Variants in GALM observed in about 807,000 individuals in gnomAD.
The protein encoded by GALM is galactose mutarotase.
Under a neutral mutation model 37.4 loss-of-function variants are expected in GALM, and 43 were observed. That is an observed-to-expected ratio of 1.15 (90% CI 0.90 to 1.48). The LOEUF (loss-of-function observed/expected upper bound fraction) is 1.48, where lower values mean the gene tolerates loss of function less well. GALM is among the 40% of genes most tolerant of loss of function. The probability of loss-of-function intolerance (pLI) is 0.00; values close to 1 mark genes in which losing one functional copy is unlikely to be tolerated. For synonymous variants in GALM, 199 were observed against 170.6 expected, an observed-to-expected ratio of 1.17 and a Z score of -1.30; for missense variants, 456 against 419.1, an observed-to-expected ratio of 1.09 and a Z score of -0.77.
intron 2 of GALM, among the ~76,000 whole-genome samples, chr2:38,679,344 G>A (rs34391548): frequency 0.074 from 11,246 of 151,280 alleles, 593 homozygotes; most frequent in South Asian, 0.22. Flanking sequence ...CAGGTAGTAT[G>A]AAACTCCCCA....
intron 4 of GALM, among the ~76,000 whole-genome samples, chr2:38,690,166 G>T (rs1177275356): frequency 1.3e-5 from 2 of 152,090 alleles, no homozygotes; most frequent in Non-Finnish European, 2.9e-5. Flanking sequence ...TTAAAAAATG[G>T]TGAGTAAGAT....
At chr2:38,710,297 T>C (rs116030165) in intron 4 of GALM, among the ~76,000 whole-genome samples, 2,743 of 152,272 alleles carry the variant, frequency 0.018, 85 homozygotes, top group African/African-American at 0.062. Flanking sequence ...GCCTATAAAA[T>C]AGTTACTCCC....
intron 2 of GALM, among the ~76,000 whole-genome samples, chr2:38,677,841 A>G (rs1025693620): frequency 6.6e-6 from 1 of 151,840 alleles, no homozygotes; most frequent in Non-Finnish European, 1.5e-5. Context: ...GCGAATGGCC[A>G]CAAGCACCAT....
At chr2:38,721,696 T>G (rs1666379267) in intron 4 of GALM, among the ~76,000 whole-genome samples, 1 of 152,020 alleles carries the variant, frequency 6.6e-6, no homozygotes, top group Admixed American at 6.6e-5. Flanking sequence ...TTTAATTTTT[T>G]GTAGAGACGG....
chr2:38,722,206 C>T (rs1047218403), intron 4 of GALM, among the ~76,000 whole-genome samples: 1 of 151,896 alleles, frequency 6.6e-6, no homozygotes. Flanking sequence ...CTAAGAAGTC[C>T]GTCATGAGAA....
chr2:38,713,293 G>T (rs1666207525), intron 4 of GALM, among the ~76,000 whole-genome samples: 1 of 152,208 alleles, frequency 6.6e-6, no homozygotes, highest in South Asian at 2.1e-4. Flanking sequence ...TGGTCAGGCA[G>T]AAGGGTTGTC....
intron 6 of GALM, 96 bp from the exon 7 acceptor site, chr2:38,733,392 G>A: frequency 1.0e-6 from 1 of 960,752 alleles, no homozygotes; most frequent in Non-Finnish European, 1.7e-6. Flanking sequence ...GCCATCCACA[G>A]AGCACTGGTC....
chr2:38,677,027 C>T (rs993962980), intron 2 of GALM, among the ~76,000 whole-genome samples: 3 of 152,222 alleles, frequency 2.0e-5, no homozygotes, highest in African/African-American at 7.2e-5. Context: ...TTCCTCCTCT[C>T]CACATGAAAA....
chr2:38,692,976 G>A (rs909364092), intron 4 of GALM, among the ~76,000 whole-genome samples: 1 of 152,178 alleles, frequency 6.6e-6, no homozygotes, highest in Non-Finnish European at 1.5e-5. Flanking sequence ...GATGGGCCTG[G>A]AGAGGTTGAT....
chr2:38,715,069 G>A (rs1016934451), intron 4 of GALM, among the ~76,000 whole-genome samples: 4 of 152,120 alleles, frequency 2.6e-5, no homozygotes, highest in South Asian at 2.1e-4. Context: ...ATTTACAATT[G>A]TCATAGCCTT....
At chr2:38,709,022 T>C (rs1378886743) in intron 4 of GALM, among the ~76,000 whole-genome samples, 1 of 152,030 alleles carries the variant, frequency 6.6e-6, no homozygotes, top group Non-Finnish European at 1.5e-5. Context: ...TGGGATGACC[T>C]GAAGTTGGGG....
At chr2:38,678,981 A>G (rs1307885584) in intron 2 of GALM, among the ~76,000 whole-genome samples, 3 of 151,060 alleles carry the variant, frequency 2.0e-5, no homozygotes, top group African/African-American at 4.9e-5. Flanking sequence ...AACATGTATA[A>G]CTTTATTTAT....
intron 4 of GALM, among the ~76,000 whole-genome samples, chr2:38,710,472 C>A (rs1666126419): frequency 6.6e-6 from 1 of 152,160 alleles, no homozygotes; most frequent in Non-Finnish European, 1.5e-5. Flanking sequence ...TACTTCTGGG[C>A]CTTGGATCCT....
intron 3 of GALM, chr2:38,682,175 T>C: frequency 2.7e-6 from 1 of 373,326 alleles, no homozygotes; most frequent in South Asian, 1.9e-5. Context: ...CACATAAGAG[T>C]GGTGTAGAGC....
intron 1 of GALM, among the ~76,000 whole-genome samples, chr2:38,675,640 CT>C (rs1426167508): frequency 6.0e-5 from 9 of 149,086 alleles, no homozygotes; most frequent in Non-Finnish European, 1.3e-4. Context: ...GCGGTCTCGG[CT>C]CACTGCAAGC....
Position 38,728,635 on chromosome 2 carries a change from A to T in GALM, c.635-921A>T, listed in dbSNP as rs188004785. On this transcript the variant is annotated intron_variant, in intron 4 of 6. Coordinates refer to ENST00000272252, the MANE Select transcript of GALM (RefSeq NM_138801.3). ...AGGAGGCGGAGGTTGCACTGAGCTG[A>T]GATCGCGCCACTGCGCTCCAGCCTG... 2.5e-4 allele frequency among the ~76,000 whole-genome samples: 38 copies of T among 152,364 alleles called. 1 individual carries two copies. Among genetic ancestry groups the T allele is most frequent in the South Asian group, 2.5e-3 (12 of 4,832 alleles).
chr2:38,701,497 T>A (rs1370296463), intron 4 of GALM, among the ~76,000 whole-genome samples: 2 of 152,218 alleles, frequency 1.3e-5, no homozygotes, highest in African/African-American at 2.4e-5. Context: ...CCCAATTCAC[T>A]CTGTCCCCCA....
intron 4 of GALM, among the ~76,000 whole-genome samples, chr2:38,718,716 G>A (rs1455033787): frequency 1.3e-5 from 2 of 151,770 alleles, no homozygotes; most frequent in Non-Finnish European, 2.9e-5. Flanking sequence ...GTTGTGTGAA[G>A]ATGGGCTAGA....
At chr2:38,714,892 T>C (rs1442565028) in intron 4 of GALM, among the ~76,000 whole-genome samples, 1 of 152,210 alleles carries the variant, frequency 6.6e-6, no homozygotes, top group East Asian at 1.9e-4. Context: ...ATAGTATAGT[T>C]TACCTGTGAT....
Sources: gnomAD v4.1 joint callset for allele counts (sites outside exome capture counted in the v4.1 genomes callset) on GRCh38, gnomAD v4.1.1 for gene constraint, MANE v1.5 for transcripts, NCBI Gene and HGNC (gene_info 2026-07-23, HGNC 2026-07-21) for gene names.